The following LUZP2 variants were observed in gnomAD, a reference collection of about 807,000 sequenced individuals.
LUZP2 encodes the protein leucine zipper protein 2.
A neutral mutation model predicts 51.6 loss-of-function variants in LUZP2; 52 were observed. The ratio of observed to expected loss-of-function variants is 1.01; its 90% CI spans 0.81 to 1.27. The LOEUF (loss-of-function observed/expected upper bound fraction) is 1.27, where lower values mean the gene tolerates loss of function less well. Ranked by LOEUF, LUZP2 falls within the 50% of genes most tolerant of loss-of-function variation. The probability of loss-of-function intolerance (pLI) is 0.00; values close to 1 mark genes in which losing one functional copy is unlikely to be tolerated. For synonymous variants in LUZP2, 154 were observed against 137.3 expected (o/e 1.12, Z -0.85); for missense variants, 436 against 395.4 (o/e 1.10, Z -0.87).
chr11:25,046,452 T>A (rs1156854816), intron 9 of LUZP2, among the ~76,000 whole-genome samples: 1 of 152,162 alleles, frequency 6.6e-6, no homozygotes, highest in African/African-American at 2.4e-5. Flanking sequence ...GCAATAAACA[T>A]GTCCACTACC....
chr11:25,025,903 T>A (rs1407108502), intron 9 of LUZP2, among the ~76,000 whole-genome samples: 1 of 152,076 alleles, frequency 6.6e-6, no homozygotes, highest in African/African-American at 2.4e-5. Context: ...CAAATGTCCA[T>A]CAGTGATAGA....
intron 5 of LUZP2, among the ~76,000 whole-genome samples, chr11:24,843,188 T>A (rs2716511): frequency 0.15 from 23,038 of 151,948 alleles, 1,918 homozygotes; most frequent in African/African-American, 0.2. Flanking sequence ...AATAATATGG[T>A]GATTTAACAG....
intron 7 of LUZP2, among the ~76,000 whole-genome samples, chr11:24,941,151 A>G (rs879437712): frequency 2.0e-5 from 3 of 152,156 alleles, no homozygotes; most frequent in Admixed American, 6.6e-5. Flanking sequence ...GAAAGTGTGG[A>G]TGAAGGTGCT....
At chr11:24,523,124 T>C (rs955796578) in intron 1 of LUZP2, among the ~76,000 whole-genome samples, 1 of 152,054 alleles carries the variant, frequency 6.6e-6, no homozygotes, top group Non-Finnish European at 1.5e-5. Context: ...AGCATCTGGT[T>C]CTACAGTGAG....
rs141955523 is a variant in LUZP2, at chr11:24,571,282, T to A, written c.62+73977T>A. Among the ~76,000 whole-genome samples the A allele has an allele frequency of 1.3e-3, 76 of 60,698 alleles. No individual in the cohort carries two copies. In the East Asian group the frequency reaches 0.02, roughly 16 times the overall value. 39.8% of individuals were successfully genotyped at this position (60,698 alleles called of 152,430 possible). ...AGGCTGTCATTTTTGCTTTCCTGGC[T>A]GTGGAAGATGTTGCTAAAAGCAAAT... On this transcript the variant is annotated intron_variant, in intron 1 of 11. Transcript: ENST00000336930.
In LUZP2 at chr11:24,732,140, C is replaced by A; in HGVS notation, c.203C>A (p.Ser68Tyr). 1.2e-6 allele frequency: 2 copies of A among 1,609,352 alleles called. No individual in the cohort carries two copies. The highest frequency in any genetic ancestry group is 1.7e-6 in the Non-Finnish European group (2 of 1,177,120). Residue 68 changes from serine to tyrosine, a missense_variant, in exon 3 of 12, where the codon TCT becomes TAT. Transcript: ENST00000336930. The part of the protein sequence containing the change: ...NLQSLKNDEQ[S>Y]AKTDVQKLLE... ...CAGTCCTTAAAAAACGATGAGCAGT[C>A]TGCCAAAACTGATGTTCAGAAACTT... is the stretch of plus-strand genomic sequence containing the variant.
intron 3 of LUZP2, among the ~76,000 whole-genome samples, chr11:24,736,128 C>T (rs978335189): frequency 6.6e-6 from 1 of 151,714 alleles, no homozygotes; most frequent in Admixed American, 6.6e-5. Context: ...TGTCCTGTTC[C>T]CTAGATTGCC....
At chr11:24,672,429 T>A (rs1375171506) in intron 1 of LUZP2, among the ~76,000 whole-genome samples, 1 of 152,196 alleles carries the variant, frequency 6.6e-6, no homozygotes, top group African/African-American at 2.4e-5. Context: ...AAAATTACTG[T>A]ATACATTAAC....
At chr11:24,551,041 A>G (rs1425740353) in intron 1 of LUZP2, among the ~76,000 whole-genome samples, 1 of 152,132 alleles carries the variant, frequency 6.6e-6, no homozygotes, top group Non-Finnish European at 1.5e-5. Context: ...AATAAAATTT[A>G]TACATTTAGA....
At chr11:24,859,161 C>T (rs1851657766) in intron 5 of LUZP2, among the ~76,000 whole-genome samples, 1 of 152,140 alleles carries the variant, frequency 6.6e-6, no homozygotes, top group South Asian at 2.1e-4. Flanking sequence ...TATAGTACAA[C>T]AATAGTTATA....
chr11:24,976,489 C>G, intron 7 of LUZP2, 102 bp from the exon 8 acceptor site: 1 of 503,140 alleles, frequency 2.0e-6, no homozygotes, highest in African/African-American at 2.4e-5. Flanking sequence ...TTTTTTTTTT[C>G]TTTTCTCTCT....
At chr11:24,764,219 A>G (rs1239684821) in intron 5 of LUZP2, among the ~76,000 whole-genome samples, 1 of 152,164 alleles carries the variant, frequency 6.6e-6, no homozygotes, top group Non-Finnish European at 1.5e-5. Context: ...GCGCGTACAC[A>G]CACAATCAGC....
At chr11:25,005,363 C>T (rs924429062) in intron 9 of LUZP2, among the ~76,000 whole-genome samples, 2 of 152,166 alleles carry the variant, frequency 1.3e-5, no homozygotes, top group African/African-American at 4.8e-5. Flanking sequence ...CATAAGGTAT[C>T]TCACTCCATT....
chr11:24,730,768 T>C (rs568518689), intron 2 of LUZP2, among the ~76,000 whole-genome samples: 1 of 151,932 alleles, frequency 6.6e-6, no homozygotes, highest in South Asian at 2.1e-4. Context: ...AGGCAAGACA[T>C]CTTATAACAG....
intron 5 of LUZP2, among the ~76,000 whole-genome samples, chr11:24,764,035 G>A (rs1423492749): frequency 1.3e-5 from 2 of 152,092 alleles, no homozygotes; most frequent in East Asian, 3.9e-4. Flanking sequence ...TGGGTATAAT[G>A]GATAATATTT....
In LUZP2 at chr11:24,729,296, G is replaced by A. The variant is rs7128434; in HGVS notation, c.180+10G>A. ...TAAAGTCAATCTTCAGGTGAGATGA[G>A]AACTCATTTTCCGAGCAGTAAAAGA... is the stretch of plus-strand genomic sequence containing the variant. On this transcript the variant is annotated intron_variant, in intron 2 of 11. Transcript: ENST00000336930. 0.51 allele frequency: 730,668 copies of A among 1,434,852 alleles called. 190,435 individuals are homozygous for A. Among genetic ancestry groups the A allele is most frequent in the African/African-American group, 0.77 (53,416 of 69,754 alleles). The allele number at this position is 1,434,852 out of a possible 1,614,324, so 88.9% of individuals were successfully genotyped here. A position where few individuals can be genotyped will look rare whatever the true frequency, so the allele number is the denominator to read the frequency against.
intron 1 of LUZP2, among the ~76,000 whole-genome samples, chr11:24,725,621 TA>T (rs1186279162): frequency 6.6e-6 from 1 of 151,686 alleles, no homozygotes; most frequent in East Asian, 2.0e-4. Context: ...TAAATACCAA[TA>T]AGAGGTATGA....
At chr11:24,558,159 C>T (rs763516131) in intron 1 of LUZP2, among the ~76,000 whole-genome samples, 1 of 152,056 alleles carries the variant, frequency 6.6e-6, no homozygotes, top group Admixed American at 6.6e-5. Context: ...GGTTCACCAG[C>T]TTTTAGACTC....
chr11:24,964,531 A>G (rs1855525997), intron 7 of LUZP2, among the ~76,000 whole-genome samples: 1 of 152,154 alleles, frequency 6.6e-6, no homozygotes, highest in African/African-American at 2.4e-5. Context: ...TAAAAGATGC[A>G]TATGTATATT....
Sources: gnomAD v4.1 joint callset for allele counts (sites outside exome capture counted in the v4.1 genomes callset) on GRCh38, gnomAD v4.1.1 for gene constraint, MANE v1.5 for transcripts, NCBI Gene and HGNC (gene_info 2026-07-23, HGNC 2026-07-21) for gene names.